KCNK1: variants seen among roughly 807,000 people sequenced by gnomAD.
KCNK1 encodes potassium channel subfamily K member 1.
Under a neutral mutation model 22.2 loss-of-function variants are expected in KCNK1, and 10 were observed. The ratio of observed to expected loss-of-function variants is 0.45; its 90% CI spans 0.28 to 0.76. The LOEUF (loss-of-function observed/expected upper bound fraction) is 0.76. Among genes scored for constraint, KCNK1 ranks in the 30% least tolerant of loss-of-function variants. The pLI is 0.14. For missense variants in KCNK1, 378 were observed against 421.0 expected, an observed-to-expected ratio of 0.90 and a Z score of 0.89; for synonymous variants, 200 against 186.4, an observed-to-expected ratio of 1.07 and a Z score of -0.60.
chr1:233,618,396 T>TCC (rs1231368636), intron 1 of KCNK1, among the ~76,000 whole-genome samples: 1 of 151,524 alleles, frequency 6.6e-6, no homozygotes, highest in African/African-American at 2.4e-5. Flanking sequence ...TTTTTTTTTT[T>TCC]CCCCAAGGAT....
chr1:233,615,413 G>C (rs993832747), intron 1 of KCNK1, among the ~76,000 whole-genome samples: 8 of 152,224 alleles, frequency 5.3e-5, no homozygotes, highest in African/African-American at 1.9e-4. Context: ...CACTGTGCCA[G>C]ATCAGATGAA....
intron 1 of KCNK1, among the ~76,000 whole-genome samples, chr1:233,649,569 G>C (rs575819835): frequency 6.6e-6 from 1 of 152,274 alleles, no homozygotes; most frequent in South Asian, 2.1e-4. Context: ...GGTTCTGGAG[G>C]CTGGGAAGTC....
chr1:233,623,916 A>G (rs1211213165), intron 1 of KCNK1, among the ~76,000 whole-genome samples: 4 of 152,226 alleles, frequency 2.6e-5, no homozygotes, highest in Non-Finnish European at 5.9e-5. Context: ...AAAAAAAAGA[A>G]AGTAAACCTG....
At position 233,663,895 on chromosome 1, in the gene KCNK1, G is replaced by A. The variant is rs372297922; in HGVS notation, c.356-2700G>A. On this transcript the variant is annotated intron_variant, in intron 1 of 2. Transcript: ENST00000366621. The stretch of plus-strand genomic sequence containing the variant: ...CACCCAGGCTGGAGTGCAATGGCGC[G>A]ATCTCAGCTCACTGCAAGCTCCGCC... Among the ~76,000 whole-genome samples, 16 of 152,022 alleles carry A rather than the reference G, an allele frequency of 1.1e-4. No individual in the cohort carries two copies. In the South Asian group the frequency reaches 1.3e-3, roughly 12 times the overall value.
chr1:233,646,327 A>G (rs1171536283), intron 1 of KCNK1, among the ~76,000 whole-genome samples: 1 of 152,144 alleles, frequency 6.6e-6, no homozygotes, highest in Non-Finnish European at 1.5e-5. Flanking sequence ...TGAAATCTCT[A>G]AAGTATTTAA....
chr1:233,618,154 C>T (rs1456846804), intron 1 of KCNK1, among the ~76,000 whole-genome samples: 2 of 152,158 alleles, frequency 1.3e-5, no homozygotes, highest in Non-Finnish European at 2.9e-5. Flanking sequence ...CGAGAATGAT[C>T]TTCCTGCTTC....
rs1463936387 is a variant in KCNK1, at chr1:233,622,193, A to C, written c.355+7667A>C. Among the ~76,000 whole-genome samples, 4 of 152,170 alleles carry C rather than the reference A, an allele frequency of 2.6e-5. No homozygotes were observed. The East Asian group carries it at 5.8e-4, about 22-fold the overall frequency. On this transcript the variant is annotated intron_variant, in intron 1 of 2. Transcript: ENST00000366621. ...TCTTTGGAGCATGTGAATTGCCGAC[A>C]CTCAATTGTTTTGACCCATAAAAAT...
chr1:233,614,559 G>A (rs1163453776), intron 1 of KCNK1, 33 bp downstream of exon 1: 2 of 1,496,492 alleles, frequency 1.3e-6, no homozygotes, highest in Non-Finnish European at 1.8e-6. Flanking sequence ...TGGCCGCCCC[G>A]GCCACCTCGC....
At chr1:233,644,934 T>C (rs1571897940) in intron 1 of KCNK1, among the ~76,000 whole-genome samples, 1 of 152,144 alleles carries the variant, frequency 6.6e-6, no homozygotes, top group Admixed American at 6.5e-5. Flanking sequence ...GTGGCTCACA[T>C]CTGTAATCCT....
intron 1 of KCNK1, among the ~76,000 whole-genome samples, chr1:233,654,335 A>G (rs1437627697): frequency 2.0e-5 from 3 of 152,208 alleles, no homozygotes; most frequent in Admixed American, 6.5e-5. Flanking sequence ...CAGCACATAT[A>G]TCCCAGAACT....
intron 2 of KCNK1, among the ~76,000 whole-genome samples, chr1:233,670,890 G>C (rs1257100789): frequency 6.6e-6 from 1 of 152,154 alleles, no homozygotes; most frequent in Non-Finnish European, 1.5e-5. Flanking sequence ...CTGGCTTTTT[G>C]TGAGCCACTG....
At chr1:233,623,845 C>T (rs1270785930) in intron 1 of KCNK1, among the ~76,000 whole-genome samples, 1 of 152,106 alleles carries the variant, frequency 6.6e-6, no homozygotes, top group Non-Finnish European at 1.5e-5. Flanking sequence ...ACCTCAGCCT[C>T]CCAAAGTGCT....
intron 1 of KCNK1, chr1:233,655,881 G>A (rs1658282311): frequency 2.0e-5 from 3 of 149,354 alleles, no homozygotes; most frequent in Admixed American, 2.0e-4. Flanking sequence ...ACCCTTGGAT[G>A]AGGAGCAACT....
At chr1:233,641,981 A>G (rs1658007508) in intron 1 of KCNK1, among the ~76,000 whole-genome samples, 1 of 152,172 alleles carries the variant, frequency 6.6e-6, no homozygotes. Flanking sequence ...GTGTCATCTC[A>G]AGTTTGATGA....
rs115276116 is a variant in KCNK1 at position 233,668,926 on chromosome 1, C to G, written c.751+1936C>G. On this transcript the variant is annotated intron_variant, in intron 2 of 2. Transcript: ENST00000366621. ...GGCCAAGAATATTTTTGTATATATA[C>G]ACATTTCCTCCTCTGATATTCTTCC... Among the ~76,000 whole-genome samples the G allele has an allele frequency of 5.0e-3, 758 of 152,226 alleles. 11 individuals are homozygous for G. The East Asian group carries it at 0.053, about 11-fold the overall frequency.
chr1:233,664,559 G>A (rs892514621), intron 1 of KCNK1, among the ~76,000 whole-genome samples: 1 of 152,148 alleles, frequency 6.6e-6, no homozygotes, highest in African/African-American at 2.4e-5. Flanking sequence ...CCCCTTGAGA[G>A]AATCAAAGCC....
intron 1 of KCNK1, among the ~76,000 whole-genome samples, chr1:233,635,529 C>G (rs701230): frequency 0.17 from 26,234 of 152,070 alleles, 4,570 homozygotes; most frequent in African/African-American, 0.45. Context: ...TTTTTTATTT[C>G]AAATTATAAT....
chr1:233,635,411 A>C (rs1331839508), intron 1 of KCNK1, among the ~76,000 whole-genome samples: 1 of 152,212 alleles, frequency 6.6e-6, no homozygotes, highest in East Asian at 1.9e-4. Flanking sequence ...TCTAAAGGCA[A>C]CCTGGAATCT....
intron 1 of KCNK1, among the ~76,000 whole-genome samples, chr1:233,617,406 T>G (rs1017589002): frequency 6.6e-6 from 1 of 152,224 alleles, no homozygotes; most frequent in African/African-American, 2.4e-5. Context: ...TTTATTTCCC[T>G]TTGTAGGAAA....
Sources: allele counts gnomAD v4.1 joint callset (sites outside exome capture counted in the v4.1 genomes callset), GRCh38; gene constraint gnomAD v4.1.1; transcripts MANE v1.5; gene names NCBI Gene and HGNC (gene_info 2026-07-23, HGNC 2026-07-21).